Variants in FKBP5 observed in about 807,000 individuals in gnomAD.
FKBP5 encodes the protein FKBP prolyl isomerase 5, also known as peptidyl-prolyl cis-trans isomerase FKBP5.
FKBP5 carries 23 observed loss-of-function variants against 50.5 expected under a neutral mutation model. The ratio of observed to expected loss-of-function variants is 0.46; its 90% CI spans 0.33 to 0.65. The LOEUF (loss-of-function observed/expected upper bound fraction) is 0.65. FKBP5 is among the 30% of genes least tolerant of loss of function. The probability of loss-of-function intolerance (pLI) is 0.02; values close to 1 mark genes in which losing one functional copy is unlikely to be tolerated. For missense variants in FKBP5, 411 were observed against 553.1 expected, an observed-to-expected ratio of 0.74 and a Z score of 2.58; for synonymous variants, 176 against 190.6, an observed-to-expected ratio of 0.92 and a Z score of 0.63.
At chr6:35,633,082 T>G (rs538355569) in intron 3 of FKBP5, among the ~76,000 whole-genome samples, 1 of 152,256 alleles carries the variant, frequency 6.6e-6, no homozygotes, top group African/African-American at 2.4e-5. Flanking sequence ...GAAGTCATAC[T>G]AGAATCCCCA....
intron 10 of FKBP5, among the ~76,000 whole-genome samples, chr6:35,576,523 A>C (rs1762219932): frequency 6.6e-6 from 1 of 152,002 alleles, no homozygotes; most frequent in Non-Finnish European, 1.5e-5. Flanking sequence ...AATTTTAAAA[A>C]ATTAGCCCAG....
chr6:35,690,798 G>A (rs1765972364), upstream of FKBP5, among the ~76,000 whole-genome samples: 1 of 151,834 alleles, frequency 6.6e-6, no homozygotes, highest in African/African-American at 2.4e-5. Flanking sequence ...CCTGAGGTCG[G>A]GAGTTCGAGA....
chr6:35,720,436 C>G (rs1427420066), exon 2 of FKBP5: 2 of 152,710 alleles, frequency 1.3e-5, no homozygotes, highest in African/African-American at 4.8e-5. Flanking sequence ...TCCTTGCACA[C>G]ACAGGGCTGG....
intron 1 of FKBP5, among the ~76,000 whole-genome samples, chr6:35,672,094 T>C (rs545129524): frequency 6.6e-6 from 1 of 152,244 alleles, no homozygotes; most frequent in South Asian, 2.1e-4. Context: ...GGTCTCGATC[T>C]CCTGACCTCA....
At chr6:35,594,695 G>A (rs557806846) in intron 6 of FKBP5, among the ~76,000 whole-genome samples, 4 of 152,188 alleles carry the variant, frequency 2.6e-5, no homozygotes, top group South Asian at 4.1e-4. Flanking sequence ...TATATAGCAT[G>A]TAGGGGTTTT....
At chr6:35,589,239 C>T (rs1404077030) in intron 7 of FKBP5, among the ~76,000 whole-genome samples, 1 of 150,948 alleles carries the variant, frequency 6.6e-6, no homozygotes, top group Non-Finnish European at 1.5e-5. Context: ...AGCGATTCAC[C>T]TGTCTCAGCT....
intron 6 of FKBP5, among the ~76,000 whole-genome samples, chr6:35,595,512 A>G (rs1449942200): frequency 6.6e-6 from 1 of 152,190 alleles, no homozygotes; most frequent in Non-Finnish European, 1.5e-5. Flanking sequence ...GCACTTTGGG[A>G]GGGTGAGACA....
At chr6:35,608,282 G>C (rs1763388572) in intron 5 of FKBP5, among the ~76,000 whole-genome samples, 3 of 152,090 alleles carry the variant, frequency 2.0e-5, no homozygotes, top group African/African-American at 7.2e-5. Context: ...TGGATGATGG[G>C]TTCAATAGAA....
At chr6:35,584,806 ATTT>A in intron 8 of FKBP5, 1 of 985,342 alleles carries the variant, frequency 1.0e-6, no homozygotes, top group East Asian at 1.1e-4. Flanking sequence ...GTTAAAAATA[ATTT>A]TTTCCATGTG....
chr6:35,631,869 C>T (rs990060478), intron 3 of FKBP5, among the ~76,000 whole-genome samples: 47 of 149,986 alleles, frequency 3.1e-4, no homozygotes, highest in African/African-American at 1.1e-3. Context: ...GCAAGAGAAT[C>T]GCTTGAATCC....
chr6:35,605,050 T>A (rs190922689), intron 5 of FKBP5, among the ~76,000 whole-genome samples: 12 of 152,324 alleles, frequency 7.9e-5, no homozygotes, highest in African/African-American at 2.9e-4. Flanking sequence ...CCCAAAGTGC[T>A]GGGATTACAG....
chr6:35,726,290 C>T (rs369128231), intron 1 of FKBP5, among the ~76,000 whole-genome samples: 2 of 152,118 alleles, frequency 1.3e-5, no homozygotes, highest in East Asian at 3.9e-4. Flanking sequence ...GTAGGAGTGG[C>T]AGGCCAGAGA....
At chr6:35,630,376 G>A (rs1248817734) in intron 3 of FKBP5, among the ~76,000 whole-genome samples, 3 of 151,966 alleles carry the variant, frequency 2.0e-5, no homozygotes, top group African/African-American at 2.4e-5. Flanking sequence ...GTGAAACCCC[G>A]TCTCTACTAA....
chr6:35,578,045 CTCT>C (rs1325221034), intron 9 of FKBP5, among the ~76,000 whole-genome samples: 1 of 102,304 alleles, frequency 9.8e-6, no homozygotes, highest in Non-Finnish European at 1.9e-5. Flanking sequence ...CAGAGTGAGA[CTCT>C]TGTCTCCAAA....
At chr6:35,613,900 C>CT (rs1057421238) in intron 5 of FKBP5, among the ~76,000 whole-genome samples, 1 of 152,088 alleles carries the variant, frequency 6.6e-6, no homozygotes, top group African/African-American at 2.4e-5. Flanking sequence ...TTCTTTCTCT[C>CT]TTTTTTTCAA....
At chr6:35,700,911 A>G (rs1766169705) in intron 2 of FKBP5, among the ~76,000 whole-genome samples, 1 of 152,164 alleles carries the variant, frequency 6.6e-6, no homozygotes, top group Non-Finnish European at 1.5e-5. Context: ...GTGAGCCAAG[A>G]TCAAGCCACT....
intron 1 of FKBP5, among the ~76,000 whole-genome samples, chr6:35,667,425 C>T (rs965712284): frequency 2.0e-5 from 3 of 152,268 alleles, no homozygotes; most frequent in South Asian, 2.1e-4. Flanking sequence ...ACGCTTATGG[C>T]TCCCATAAGA....
chr6:35,600,678 TATC>T (rs931189971), intron 5 of FKBP5, among the ~76,000 whole-genome samples: 4 of 152,340 alleles, frequency 2.6e-5, no homozygotes, highest in Admixed American at 1.3e-4. Context: ...TTGTTGGAAG[TATC>T]ATCTTCCTCC....
intron 1 of FKBP5, among the ~76,000 whole-genome samples, chr6:35,723,347 C>T (rs1287273957): frequency 1.3e-5 from 2 of 152,196 alleles, no homozygotes; most frequent in Non-Finnish European, 2.9e-5. Flanking sequence ...CTGGGACACA[C>T]AGTAGGTGCT....
Sources: gnomAD v4.1 joint callset for allele counts (sites outside exome capture counted in the v4.1 genomes callset) on GRCh38, gnomAD v4.1.1 for gene constraint, MANE v1.5 for transcripts, NCBI Gene and HGNC (gene_info 2026-07-23, HGNC 2026-07-21) for gene names.